The following TMEM232 variants were observed in gnomAD, a reference collection of about 807,000 sequenced individuals.
TMEM232 encodes transmembrane protein 232.
Under a neutral mutation model 78.8 loss-of-function variants are expected in TMEM232, and 80 were observed. The ratio of observed to expected loss-of-function variants is 1.01; its 90% confidence interval spans 0.85 to 1.22. The LOEUF (loss-of-function observed/expected upper bound fraction) is 1.22, where lower values mean the gene tolerates loss of function less well. Ranked by LOEUF, TMEM232 falls within the 50% of genes most tolerant of loss-of-function variation. TMEM232 has a pLI of 0.00. For missense variants in TMEM232, 881 were observed against 742.2 expected, an observed-to-expected ratio of 1.19 and a Z score of -2.17; for synonymous variants, 297 against 254.3, an observed-to-expected ratio of 1.17 and a Z score of -1.60.
intron 12 of TMEM232, among the ~76,000 whole-genome samples, chr5:110,439,387 G>C (rs1758784138): frequency 6.6e-6 from 1 of 152,010 alleles, no homozygotes; most frequent in Admixed American, 6.6e-5. Context: ...ACATTCTAGA[G>C]ATGCAGTCTG....
chr5:110,725,086 A>G (rs1387539516), intron 1 of TMEM232, among the ~76,000 whole-genome samples: 1 of 152,226 alleles, frequency 6.6e-6, no homozygotes, highest in African/African-American at 2.4e-5. Flanking sequence ...TTATGGAAAT[A>G]TAAGCAAAAA....
At chr5:110,718,377 T>A (rs767602179) in intron 1 of TMEM232, among the ~76,000 whole-genome samples, 36 of 152,266 alleles carry the variant, frequency 2.4e-4, no homozygotes, top group Non-Finnish European at 4.6e-4. Context: ...TGCAAAATTA[T>A]ATTGATGAGA....
intron 10 of TMEM232, among the ~76,000 whole-genome samples, chr5:110,602,343 A>G (rs892691132): frequency 5.9e-5 from 9 of 152,172 alleles, no homozygotes; most frequent in Non-Finnish European, 1.2e-4. Flanking sequence ...AGAAACTATC[A>G]TCAGAGTGAA....
At chr5:110,676,361 T>A (rs1792022924) in intron 1 of TMEM232, among the ~76,000 whole-genome samples, 1 of 151,978 alleles carries the variant, frequency 6.6e-6, no homozygotes, top group Non-Finnish European at 1.5e-5. Context: ...ATGGCTATAC[T>A]AATTTACATT....
intron 1 of TMEM232, among the ~76,000 whole-genome samples, chr5:110,695,379 C>T (rs1794646739): frequency 2.6e-5 from 4 of 152,230 alleles, no homozygotes; most frequent in Admixed American, 2.6e-4. Context: ...ACGGTAACAT[C>T]ACAATTAAAA....
chr5:110,523,102 G>C (rs1204385440), intron 12 of TMEM232, among the ~76,000 whole-genome samples: 1 of 152,132 alleles, frequency 6.6e-6, no homozygotes, highest in Non-Finnish European at 1.5e-5. Flanking sequence ...AGTATGTTCA[G>C]ACTTTGTATT....
chr5:110,577,421 G>T (rs748551925), intron 10 of TMEM232, among the ~76,000 whole-genome samples: 1 of 152,092 alleles, frequency 6.6e-6, no homozygotes, highest in South Asian at 2.1e-4. Context: ...ATACACTGTT[G>T]GTGGGAGTAA....
At chr5:110,543,225 C>T (rs934516480) in intron 11 of TMEM232, among the ~76,000 whole-genome samples, 2 of 151,832 alleles carry the variant, frequency 1.3e-5, no homozygotes, top group African/African-American at 4.9e-5. Flanking sequence ...CCCTCTAAGA[C>T]AGGAGAGGCT....
intron 5 of TMEM232, among the ~76,000 whole-genome samples, chr5:110,633,534 G>A (rs1228800488): frequency 6.6e-6 from 1 of 151,934 alleles, no homozygotes; most frequent in Non-Finnish European, 1.5e-5. Context: ...GAATCATGGG[G>A]GTGGTTTCCC....
intron 7 of TMEM232, among the ~76,000 whole-genome samples, 181 bp from the exon 8 acceptor site, chr5:110,618,743 T>C (rs951621459): frequency 2.6e-5 from 4 of 152,136 alleles, no homozygotes. Flanking sequence ...TACATACAGT[T>C]AACCCGAACC....
At chr5:110,578,657 C>T (rs1013081988) in intron 10 of TMEM232, among the ~76,000 whole-genome samples, 1 of 151,860 alleles carries the variant, frequency 6.6e-6, no homozygotes, top group Non-Finnish European at 1.5e-5. Flanking sequence ...ATTAATTCTT[C>T]TACTCAGTAA....
At chr5:110,695,713 A>G (rs1279709559) in intron 1 of TMEM232, among the ~76,000 whole-genome samples, 3 of 152,224 alleles carry the variant, frequency 2.0e-5, no homozygotes, top group Non-Finnish European at 2.9e-5. Flanking sequence ...AGAAATGGAT[A>G]AATTCCTCGA....
chr5:110,430,232 TTCTC>T (rs776596496), intron 12 of TMEM232: 1 of 151,766 alleles, frequency 6.6e-6, no homozygotes, highest in South Asian at 2.1e-4. Context: ...CTTTTTAACT[TTCTC>T]TAAGAGCTTA....
At chr5:110,567,814 C>T (rs1776512503) in intron 11 of TMEM232, among the ~76,000 whole-genome samples, 1 of 151,902 alleles carries the variant, frequency 6.6e-6, no homozygotes, top group African/African-American at 2.4e-5. Flanking sequence ...GGTCACTGAA[C>T]TAGACAAGGG....
At chr5:110,588,381 T>C (rs1266542818) in intron 10 of TMEM232, among the ~76,000 whole-genome samples, 1 of 152,140 alleles carries the variant, frequency 6.6e-6, no homozygotes, top group Non-Finnish European at 1.5e-5. Context: ...ATTATTGGAA[T>C]AAATTATTGT....
At chr5:110,609,657 C>G (rs1333884798) in intron 8 of TMEM232, among the ~76,000 whole-genome samples, 1 of 152,026 alleles carries the variant, frequency 6.6e-6, no homozygotes, top group African/African-American at 2.4e-5. Flanking sequence ...TTTTTCCTCA[C>G]AGGTAAACTA....
intron 1 of TMEM232, among the ~76,000 whole-genome samples, chr5:110,676,483 G>C (rs1792040539): frequency 6.6e-6 from 1 of 151,204 alleles, no homozygotes; most frequent in Non-Finnish European, 1.5e-5. Flanking sequence ...ACTGCAATCT[G>C]CAACTTCCGC....
chr5:110,663,715 G>C (rs989393025), intron 2 of TMEM232, among the ~76,000 whole-genome samples: 1 of 135,242 alleles, frequency 7.4e-6, no homozygotes, highest in African/African-American at 2.6e-5. Context: ...TACTCTTATA[G>C]ACTGGGGAAG....
intron 8 of TMEM232, among the ~76,000 whole-genome samples, chr5:110,612,177 A>G (rs1459555687): frequency 6.6e-6 from 1 of 152,182 alleles, no homozygotes; most frequent in Non-Finnish European, 1.5e-5. Context: ...TAACTGCTAA[A>G]CAGACCCTGG....
Sources: gnomAD v4.1 joint callset for allele counts (sites outside exome capture counted in the v4.1 genomes callset) on GRCh38, gnomAD v4.1.1 for gene constraint, MANE v1.5 for transcripts, NCBI Gene and HGNC (gene_info 2026-07-23, HGNC 2026-07-21) for gene names.